FGF2: variants seen among roughly 807,000 people sequenced by gnomAD.
The protein encoded by FGF2 is basic fibroblast growth factor bFGF.
A neutral mutation model predicts 15.9 loss-of-function variants in FGF2; 13 were observed. The observed-to-expected ratio is 0.82, with a 90% CI of 0.53 to 1.30. FGF2 has a LOEUF of 1.30. FGF2 is among the 50% of genes most tolerant of loss of function. FGF2 has a pLI of 0.00. For synonymous variants in FGF2, 90 were observed against 78.4 expected, an observed-to-expected ratio of 1.15 and a Z score of -0.78; for missense variants, 163 against 196.9, an observed-to-expected ratio of 0.83 and a Z score of 1.03.
chr4:122,882,355 TA>T (rs1303903732), intron 2 of FGF2: 1 of 152,184 alleles, frequency 6.6e-6, no homozygotes, highest in Non-Finnish European at 1.5e-5. Context: ...CTAGGGTACA[TA>T]AAAAGATGAG....
At chr4:122,832,434 G>A (rs1249873187) in intron 1 of FGF2, among the ~76,000 whole-genome samples, 5 of 128,844 alleles carry the variant, frequency 3.9e-5, no homozygotes, top group African/African-American at 9.1e-5. Flanking sequence ...TAGTAGAGAC[G>A]GGATTTCACC....
intron 1 of FGF2, among the ~76,000 whole-genome samples, chr4:122,855,648 T>C (rs973330787): frequency 6.6e-6 from 1 of 152,184 alleles, no homozygotes; most frequent in Non-Finnish European, 1.5e-5. Flanking sequence ...CATTTTCTCA[T>C]AAGTAGTGCA....
intron 1 of FGF2, among the ~76,000 whole-genome samples, chr4:122,867,296 A>T (rs1245181992): frequency 6.6e-6 from 1 of 152,240 alleles, no homozygotes; most frequent in Non-Finnish European, 1.5e-5. Flanking sequence ...CATGTGAATT[A>T]TACCTCAATA....
chr4:122,845,256 C>A (rs531913618), intron 1 of FGF2, among the ~76,000 whole-genome samples: 1 of 152,246 alleles, frequency 6.6e-6, no homozygotes, highest in East Asian at 1.9e-4. Context: ...GTGCTGTCAT[C>A]CAGGCTTTGT....
intron 1 of FGF2, among the ~76,000 whole-genome samples, chr4:122,865,302 T>C (rs906937510): frequency 6.6e-6 from 1 of 152,076 alleles, no homozygotes. Flanking sequence ...TGTTTTGTTG[T>C]TGTTGTTGAG....
In FGF2 at chr4:122,893,550, G is replaced by A. The variant is rs1012020496; in HGVS notation, c.*1154G>A. 3 of 201,104 alleles carry A rather than the reference G, an allele frequency of 1.5e-5. No individual in the cohort carries two copies. In the Admixed American group the frequency reaches 1.7e-4, roughly 12 times the overall value. 12.5% of individuals were successfully genotyped at this position (201,104 alleles called of 1,614,324 possible). ...AAAAGGTAAAAATATAGATTGAAAA[G>A]TTAAAACATTTTGCATGGCTGCAGT... On this transcript the variant is annotated 3_prime_UTR_variant, in exon 3 of 3. Transcript: ENST00000644866.
At position 122,897,306 on chromosome 4, in the gene FGF2, C is replaced by A; in HGVS notation, c.*4910C>A. 1 of 262,012 alleles carries A rather than the reference C, an allele frequency of 3.8e-6. No homozygotes were observed. Among genetic ancestry groups the A allele is most frequent in the Non-Finnish European group, 7.2e-6 (1 of 138,916 alleles). The allele number at this position is 262,012 out of a possible 1,614,324, so 16.2% of individuals were successfully genotyped here. A position where few individuals can be genotyped will look rare whatever the true frequency, so the allele number is the denominator to read the frequency against. On this transcript the variant is annotated 3_prime_UTR_variant, in exon 3 of 3. Transcript: ENST00000644866. The stretch of plus-strand genomic sequence containing the variant: ...TTCCAACAACAATATTAGTCGTATC[C>A]AAAATAACCTTTAATGCTAAACTTT...
In FGF2 at chr4:122,896,453, G is replaced by C. The variant is rs1727359096; in HGVS notation, c.*4057G>C. The C allele has an allele frequency of 6.6e-6, 1 of 152,180 alleles. No homozygotes were observed. Among genetic ancestry groups the C allele is most frequent in the Non-Finnish European group, 1.5e-5 (1 of 68,030 alleles). The allele number at this position is 152,180 out of a possible 1,614,324, so 9.4% of individuals were successfully genotyped here. On this transcript the variant is annotated 3_prime_UTR_variant, in exon 3 of 3. Coordinates refer to ENST00000644866, the MANE Select transcript of FGF2 (RefSeq NM_001361665.2). Reference sequence around the variant, plus strand: ...TTTTGCCCAATATAGATTGGGTAAGGCTGCAAAACATAAGCTTAATTAGCT... The same window carrying C: ...TTTTGCCCAATATAGATTGGGTAAGCCTGCAAAACATAAGCTTAATTAGCT...
In FGF2 at chr4:122,876,383, C is replaced by G. The variant is rs769999277; in HGVS notation, c.241C>G (p.Arg81Gly). ...GTCTATCAAAGGAGTGTGTGCTAAC[C>G]GTTACCTGGCTATGAAGGAAGATGG... ...VVSIKGVCAN[R>G]YLAMKEDGRL... The change falls in exon 2 of 3, where the codon CGT becomes GGT. Residue 81 changes from arginine (R) to glycine (G), a missense_variant. Arg to Gly is a moderately radical substitution (Grantham distance 125). Coordinates refer to ENST00000644866, the MANE Select transcript of FGF2 (RefSeq NM_001361665.2). The G allele has an allele frequency of 6.2e-7, 1 of 1,613,128 alleles. No individual in the cohort carries two copies. Among genetic ancestry groups the G allele is most frequent in the Non-Finnish European group, 8.5e-7 (1 of 1,179,254 alleles).
intron 1 of FGF2, among the ~76,000 whole-genome samples, chr4:122,849,749 CTGAG>C (rs1726190178): frequency 6.6e-6 from 1 of 152,104 alleles, no homozygotes. Context: ...AATGCTGTCT[CTGAG>C]AGAGTTGTGA....
chr4:122,865,576 C>T (rs1437727281), intron 1 of FGF2, among the ~76,000 whole-genome samples: 3 of 152,132 alleles, frequency 2.0e-5, no homozygotes, highest in Middle Eastern at 3.2e-3. Context: ...TGAACCACCA[C>T]GCCTGGCCTT....
chr4:122,852,341 T>C (rs1377720302), intron 1 of FGF2, among the ~76,000 whole-genome samples: 1 of 152,220 alleles, frequency 6.6e-6, no homozygotes, highest in African/African-American at 2.4e-5. Flanking sequence ...GCTGTCTCTC[T>C]CAGGTTAGCT....
intron 1 of FGF2, among the ~76,000 whole-genome samples, chr4:122,867,246 A>G (rs1395421208): frequency 6.6e-6 from 1 of 152,256 alleles, no homozygotes; most frequent in Non-Finnish European, 1.5e-5. Context: ...AGTAAAGCAC[A>G]TTGAACTGTA....
chr4:122,862,572 T>A (rs1726494441), intron 1 of FGF2, among the ~76,000 whole-genome samples: 1 of 152,366 alleles, frequency 6.6e-6, no homozygotes, highest in South Asian at 2.1e-4. Context: ...ATTCCTTTGC[T>A]GACATATCTA....
chr4:122,861,345 T>C (rs1221974513), intron 1 of FGF2, among the ~76,000 whole-genome samples: 1 of 152,208 alleles, frequency 6.6e-6, no homozygotes, highest in East Asian at 1.9e-4. Flanking sequence ...CATTGCAATT[T>C]CACTGTGTCT....
At chr4:122,828,796 G>C (rs366192) in intron 1 of FGF2, among the ~76,000 whole-genome samples, 6,022 of 152,200 alleles carry the variant, frequency 0.04, 314 homozygotes, top group South Asian at 0.12. Context: ...TAACCTATTA[G>C]ATGGGTTAGT....
intron 1 of FGF2, among the ~76,000 whole-genome samples, chr4:122,872,950 A>G (rs531988322): frequency 2.6e-5 from 4 of 152,334 alleles, no homozygotes; most frequent in South Asian, 4.1e-4. Context: ...CAATGACACT[A>G]TGAAGAAACT....
intron 1 of FGF2, among the ~76,000 whole-genome samples, chr4:122,844,592 TTCCTTCCTTCCTTCCTTCCTTC>T (rs1726068724): frequency 4.0e-5 from 5 of 126,506 alleles, no homozygotes; most frequent in African/African-American, 1.4e-4. Context: ...TCTTTCTTCC[TTCCTTCCTTCCTTCCTTCCTTC>T]CTTTCTTTCT....
At chr4:122,851,652 C>G (rs1726234580) in intron 1 of FGF2, among the ~76,000 whole-genome samples, 1 of 152,170 alleles carries the variant, frequency 6.6e-6, no homozygotes, top group African/African-American at 2.4e-5. Context: ...GAATTGATTT[C>G]TTAGCTAGAA....
Sources: allele counts gnomAD v4.1 joint callset (sites outside exome capture counted in the v4.1 genomes callset), GRCh38; gene constraint gnomAD v4.1.1; transcripts MANE v1.5; gene names NCBI Gene and HGNC (gene_info 2026-07-23, HGNC 2026-07-21).